Variants in FHIT observed in about 807,000 individuals in gnomAD.
The protein encoded by FHIT is fragile histidine triad diadenosine triphosphatase.
A neutral mutation model predicts 17.9 loss-of-function variants in FHIT; 19 were observed. That is an observed-to-expected ratio of 1.06 (90% CI 0.74 to 1.56). FHIT has a LOEUF of 1.56. Ranked by LOEUF, FHIT falls within the 40% of genes most tolerant of loss-of-function variation. The pLI is 0.00. For missense variants in FHIT, 248 were observed against 189.2 expected (o/e 1.31, Z -1.82); for synonymous variants, 81 against 69.7 (o/e 1.16, Z -0.81).
At chr3:60,557,722 T>A (rs2036789857) in intron 4 of FHIT, among the ~76,000 whole-genome samples, 1 of 151,962 alleles carries the variant, frequency 6.6e-6, no homozygotes, top group Non-Finnish European at 1.5e-5. Flanking sequence ...CATTGCCACG[T>A]GGGCTGAGAA....
intron 5 of FHIT, among the ~76,000 whole-genome samples, chr3:60,257,167 G>A (rs929766679): frequency 6.6e-6 from 1 of 152,094 alleles, no homozygotes; most frequent in Non-Finnish European, 1.5e-5. Context: ...AGCTTCCCTT[G>A]TGAATTAAAT....
intron 2 of FHIT, among the ~76,000 whole-genome samples, chr3:61,059,679 A>C (rs1400131510): frequency 6.6e-6 from 1 of 152,170 alleles, no homozygotes; most frequent in African/African-American, 2.4e-5. Flanking sequence ...AGGCAAGGAG[A>C]CACTAGTCAT....
intron 5 of FHIT, among the ~76,000 whole-genome samples, chr3:60,401,418 G>C (rs1396993068): frequency 6.6e-6 from 1 of 152,138 alleles, no homozygotes; most frequent in African/African-American, 2.4e-5. Flanking sequence ...CGGCCAGTGA[G>C]AATTATCTGC....
rs2035466231 is a variant in FHIT at position 61,091,073 on chromosome 3, A to G, written c.-163-48974T>C. 1.3e-5 allele frequency among the ~76,000 whole-genome samples: 2 copies of G among 152,240 alleles called. 1 individual carries two copies. Among genetic ancestry groups the G allele is most frequent in the South Asian group, 4.1e-4 (2 of 4,832 alleles). On this transcript the variant is annotated intron_variant, in intron 2 of 9. Transcript: ENST00000492590. ...CGTGGTTGATAAAGACATCTCGTTC[A>G]CATCCCTTAACTAACAATAATTATT...
chr3:59,969,894 C>T lies in FHIT; in HGVS notation c.279+41477G>A, dbSNP rs183149619. ...CCAAGGAAAGGATCGTTGAAGTTAA[C>T]TGGCCTTGGGAATTTCAAGTACACC... is the stretch of plus-strand genomic sequence containing the variant. On this transcript the variant is annotated intron_variant, in intron 7 of 9. Transcript: ENST00000492590. Among the ~76,000 whole-genome samples the T allele has an allele frequency of 8.9e-4, 136 of 152,234 alleles. 1 individual carries two copies. Among genetic ancestry groups the T allele is most frequent in the Middle Eastern group, 3.4e-3 (1 of 294 alleles).
intron 3 of FHIT, among the ~76,000 whole-genome samples, chr3:60,969,252 T>A (rs935202168): frequency 1.6e-4 from 24 of 152,300 alleles, no homozygotes; most frequent in African/African-American, 5.3e-4. Context: ...AATTTAGTTG[T>A]ATTTTTAAGG....
chr3:60,166,490 C>T (rs1237436018), intron 5 of FHIT, among the ~76,000 whole-genome samples: 4 of 152,148 alleles, frequency 2.6e-5, no homozygotes, highest in Non-Finnish European at 2.9e-5. Flanking sequence ...GTGTGCTAAG[C>T]AGTACCCATG....
chr3:59,874,041 C>A (rs1009218126), intron 8 of FHIT, among the ~76,000 whole-genome samples: 6 of 152,106 alleles, frequency 3.9e-5, no homozygotes, highest in African/African-American at 1.4e-4. Flanking sequence ...ACATGCAGTA[C>A]TGGGAAGTAA....
intron 8 of FHIT, among the ~76,000 whole-genome samples, chr3:59,799,213 C>G (rs1399372313): frequency 6.6e-6 from 1 of 152,148 alleles, no homozygotes; most frequent in African/African-American, 2.4e-5. Flanking sequence ...TATTTGCAAC[C>G]AATCAGCATT....
intron 2 of FHIT, among the ~76,000 whole-genome samples, chr3:61,090,309 T>C (rs1456216255): frequency 6.6e-6 from 1 of 152,186 alleles, no homozygotes; most frequent in Non-Finnish European, 1.5e-5. Context: ...CAAGAACCCA[T>C]GTTTATGACC....
chr3:61,136,556 C>T (rs1178698072), intron 2 of FHIT, among the ~76,000 whole-genome samples: 4 of 152,268 alleles, frequency 2.6e-5, no homozygotes, highest in South Asian at 4.1e-4. Flanking sequence ...AGTGACTATA[C>T]AAGAAAAGGA....
intron 7 of FHIT, among the ~76,000 whole-genome samples, chr3:59,975,979 A>T (rs186919536): frequency 6.6e-6 from 1 of 152,182 alleles, no homozygotes; most frequent in Admixed American, 6.5e-5. Context: ...CTAGGTGATT[A>T]GTGAGAGTTT....
intron 5 of FHIT, among the ~76,000 whole-genome samples, chr3:60,065,634 G>A (rs1252652979): frequency 6.6e-6 from 1 of 152,130 alleles, no homozygotes; most frequent in Non-Finnish European, 1.5e-5. Context: ...TCAGTTAGAG[G>A]CAAGATGCTT....
chr3:61,226,855 T>C (rs2106852617), intron 1 of FHIT, among the ~76,000 whole-genome samples: 1 of 152,266 alleles, frequency 6.6e-6, no homozygotes, highest in Non-Finnish European at 1.5e-5. Context: ...AGTAAGCATG[T>C]GGTATGAGCC....
chr3:60,112,111 A>G (rs1704699650), intron 5 of FHIT, among the ~76,000 whole-genome samples: 3 of 152,242 alleles, frequency 2.0e-5, no homozygotes, highest in African/African-American at 7.2e-5. Flanking sequence ...TCAATGTGTC[A>G]GTTGGGTTCA....
At chr3:60,616,562 A>G (rs533089272) in intron 4 of FHIT, among the ~76,000 whole-genome samples, 1 of 152,336 alleles carries the variant, frequency 6.6e-6, no homozygotes, top group East Asian at 1.9e-4. Context: ...GGGACTTGAA[A>G]TTAAAAACAC....
intron 5 of FHIT, among the ~76,000 whole-genome samples, chr3:60,082,497 G>A (rs1703331684): frequency 6.6e-6 from 1 of 152,014 alleles, no homozygotes; most frequent in Non-Finnish European, 1.5e-5. Flanking sequence ...ATCCAGTAAT[G>A]GAATTACTGG....
intron 3 of FHIT, among the ~76,000 whole-genome samples, chr3:60,996,396 C>G (rs1445222267): frequency 6.6e-6 from 1 of 152,150 alleles, no homozygotes; most frequent in Non-Finnish European, 1.5e-5. Context: ...TAATCTATAA[C>G]TCTATCTTGT....
chr3:60,231,405 G>C (rs995379648), intron 5 of FHIT, among the ~76,000 whole-genome samples: 1 of 152,120 alleles, frequency 6.6e-6, no homozygotes, highest in Non-Finnish European at 1.5e-5. Context: ...CAGAAATACA[G>C]TATTACCAAC....
Sources: allele counts gnomAD v4.1 joint callset (sites outside exome capture counted in the v4.1 genomes callset), GRCh38; gene constraint gnomAD v4.1.1; transcripts MANE v1.5; gene names NCBI Gene and HGNC (gene_info 2026-07-23, HGNC 2026-07-21).